The following COL11A2 variants were observed in gnomAD, a reference collection of about 807,000 sequenced individuals.
COL11A2 encodes collagen type XI alpha 2 chain, also known as collagen alpha-2(XI) chain.
Under a neutral mutation model 273.4 loss-of-function variants are expected in COL11A2, and 116 were observed. The observed-to-expected ratio is 0.42, with a 90% CI of 0.36 to 0.49. The LOEUF (loss-of-function observed/expected upper bound fraction) is 0.49. Ranked by LOEUF, COL11A2 falls within the 20% of genes least tolerant of loss-of-function variation. The pLI is 0.00. For missense variants in COL11A2, 1,866 were observed against 2,309.0 expected, an observed-to-expected ratio of 0.81 and a Z score of 3.93; for synonymous variants, 782 against 864.2, an observed-to-expected ratio of 0.90 and a Z score of 1.67.
chr6:33,170,737 TG>T lies in COL11A2; in HGVS notation c.3474+72del. Reference sequence around the variant, plus strand: ...CCTCCAGTCTGCATCGGCAGGCTGCTGGCAGAGTCTGGGGCAAAACATCACC... The same window carrying T: ...CCTCCAGTCTGCATCGGCAGGCTGCTGCAGAGTCTGGGGCAAAACATCACC... On this transcript the variant is annotated intron_variant, in intron 46 of 65. Transcript: ENST00000341947. The surrounding 1 kb of genome is among the most constrained non-coding windows in gnomAD (Gnocchi z 4.3). 1 of 1,588,670 alleles carries T rather than the reference TG, an allele frequency of 6.3e-7. No individual in the cohort carries two copies.
At position 33,170,693 on chromosome 6, in the gene COL11A2, C is replaced by T; in HGVS notation, c.3475-83G>A. ...AGGCAGATAGGCCCCACAGTCCCCTCCCCTCAGACTCCGCAGGCCCTCCAG... is the reference window on the plus strand; with the variant it reads ...AGGCAGATAGGCCCCACAGTCCCCTTCCCTCAGACTCCGCAGGCCCTCCAG... On this transcript the variant is annotated intron_variant, in intron 46 of 65. Transcript: ENST00000341947. The surrounding 1 kb of genome is among the most constrained non-coding windows in gnomAD (Gnocchi z 4.3). 6.7e-7 allele frequency: 1 copy of T among 1,499,040 alleles called. No individual in the cohort carries two copies. The highest frequency in any genetic ancestry group is 9.1e-7 in the Non-Finnish European group (1 of 1,095,482). The allele number at this position is 1,499,040 out of a possible 1,614,324, so 92.9% of individuals were successfully genotyped here.
In COL11A2 at chr6:33,189,612, C is replaced by T; in HGVS notation, c.83-143G>A. On this transcript the variant is annotated intron_variant, in intron 1 of 65. Transcript: ENST00000341947. This position sits in a 1 kb window ranked among gnomAD's most constrained non-coding sequence, Gnocchi z 5.6. ...CACCTCACCCTCACTTGCTTCTGAA[C>T]AGTACCTGAATGGATGGGAAATGCA... The T allele has an allele frequency of 9.0e-7, 1 of 1,111,254 alleles. No individual in the cohort carries two copies. The highest frequency in any genetic ancestry group is 2.6e-5 in the East Asian group (1 of 38,740). The allele number at this position is 1,111,254 out of a possible 1,614,324, so 68.8% of individuals were successfully genotyped here. A position where few individuals can be genotyped will look rare whatever the true frequency, so the allele number is the denominator to read the frequency against.
chr6:33,177,667 TC>T lies in COL11A2; in HGVS notation c.1911del (p.Ser638AlafsTer77). On this transcript the variant is annotated frameshift_variant, in exon 22 of 66. Transcript: ENST00000341947. LOFTEE classifies it high-confidence loss of function. This position sits in a 1 kb window ranked among gnomAD's most constrained non-coding sequence, Gnocchi z 5.9. ...RGMDGPQGPK[G>X]SLGPQGEPGP... The stretch of plus-strand genomic sequence containing the variant: ...ATCTCCTATCCATCACTCACCAAGC[TC>T]CCTTTGGGGCCCTGGGGACCATCCA... 1 of 1,612,748 alleles carries T rather than the reference TC, an allele frequency of 6.2e-7. No individual in the cohort carries two copies. Among genetic ancestry groups the T allele is most frequent in the Non-Finnish European group, 8.5e-7 (1 of 1,179,902 alleles).
rs959259513 is a variant in COL11A2, at chr6:33,169,438, G to A, written c.3743C>T (p.Pro1248Leu). ...EKGESGQPGE[P>L]GPPGPKGPTG... ...GGGGCCTTTAGGCCCTGGTGGCCCT[G>A]GCTCTCCTGGCTGCCCCGACTCTCC... is the stretch of plus-strand genomic sequence containing the variant. Residue 1248 changes from proline (P) to leucine (L), a missense_variant, in exon 51 of 66, where the codon CCA becomes CTA. Coordinates refer to ENST00000341947, the MANE Select transcript of COL11A2 (RefSeq NM_080680.3). This position sits in a 1 kb window ranked among gnomAD's most constrained non-coding sequence, Gnocchi z 5.5. 5.6e-6 allele frequency: 9 copies of A among 1,612,844 alleles called. No homozygotes were observed. In the African/African-American group the frequency reaches 8.0e-5, roughly 14 times the overall value.
chr6:33,179,095 G>A lies in COL11A2; in HGVS notation c.1589C>T (p.Pro530Leu). 1 of 1,613,880 alleles carries A rather than the reference G, an allele frequency of 6.2e-7. No individual in the cohort carries two copies. The highest frequency in any genetic ancestry group is 8.5e-7 in the Non-Finnish European group (1 of 1,179,826). Residue 530 changes from proline to leucine, a missense_variant, in exon 16 of 66, where the codon CCT (proline) becomes CTT (leucine). Physicochemically the swap from Pro to Leu is moderately conservative, Grantham distance 98. Coordinates refer to ENST00000341947, the MANE Select transcript of COL11A2 (RefSeq NM_080680.3). The surrounding 1 kb of genome is among the most constrained non-coding windows in gnomAD (Gnocchi z 6.4). Reference sequence around the variant, plus strand: ...CACCCTTCGCCCAGCCTTGCCAGGAGGGCCTGTGAGGCCCTGAGGTCCTCT... The same window carrying A: ...CACCCTTCGCCCAGCCTTGCCAGGAAGGCCTGTGAGGCCCTGAGGTCCTCT... Reference protein sequence around the residue: ...GPRGPQGLTGPPGKAGRRGRA... With the variant: ...GPRGPQGLTGLPGKAGRRGRA...
rs764960433 is a variant in COL11A2, at chr6:33,171,083, G to A, written c.3366+31C>T. On this transcript the variant is annotated intron_variant, in intron 45 of 65. Coordinates refer to ENST00000341947, the MANE Select transcript of COL11A2 (RefSeq NM_080680.3). ...GCTGAGGGAGGACCAGAGGCTGCTGGGCCTTCGGTGGGGGTGGAGGGGTCA... is the reference window on the plus strand; with the variant it reads ...GCTGAGGGAGGACCAGAGGCTGCTGAGCCTTCGGTGGGGGTGGAGGGGTCA... 11 of 1,572,722 alleles carry A rather than the reference G, an allele frequency of 7.0e-6. No individual in the cohort carries two copies. The East Asian group carries it at 2.4e-4, about 34-fold the overall frequency.
At chr6:33,171,903 G>C in intron 41 of COL11A2, 83 bp from the exon 42 acceptor site, 1 of 1,560,972 alleles carries the variant, frequency 6.4e-7, no homozygotes, top group Non-Finnish European at 8.8e-7. Flanking sequence ...ATTCCCAAAA[G>C]CTCCCAAAAT....
intron 29 of COL11A2, 116 bp from the exon 30 acceptor site, chr6:33,175,797 C>CAG: frequency 8.7e-7 from 1 of 1,143,946 alleles, no homozygotes; most frequent in Non-Finnish European, 1.3e-6. Context: ...GGAGCCACTG[C>CAG]AGGACAGGAA....
At chr6:33,172,156 G>C in intron 40 of COL11A2, 53 bp from the exon 41 acceptor site, 1 of 1,609,620 alleles carries the variant, frequency 6.2e-7, no homozygotes, top group Non-Finnish European at 8.5e-7. Context: ...AGAAGGGTGA[G>C]AGCTGGAGAG....
In COL11A2 at chr6:33,169,926, G is replaced by A. The variant is rs754213600; in HGVS notation, c.3637-42C>T. 1 of 1,613,762 alleles carries A rather than the reference G, an allele frequency of 6.2e-7. No individual in the cohort carries two copies. The highest frequency in any genetic ancestry group is 8.5e-7 in the Non-Finnish European group (1 of 1,179,724). On this transcript the variant is annotated intron_variant, in intron 49 of 65. Transcript: ENST00000341947. The surrounding 1 kb of genome is among the most constrained non-coding windows in gnomAD (Gnocchi z 5.5). ...GTCAAAAACCTCCTCTCCTTCCCCA[G>A]CCAAAAAATTCTGATATTCCCCACA...
chr6:33,165,580 G>T lies in COL11A2; in HGVS notation c.4719C>A (p.Asp1573Glu). The T allele has an allele frequency of 1.2e-6, 2 of 1,613,420 alleles. No homozygotes were observed. The highest frequency in any genetic ancestry group is 1.7e-6 in the Non-Finnish European group (2 of 1,180,004). The change falls in exon 63 of 66, where the codon GAC becomes GAA. Residue 1573 changes from aspartate to glutamate, a missense_variant. Coordinates refer to ENST00000341947, the MANE Select transcript of COL11A2 (RefSeq NM_080680.3). The surrounding 1 kb of genome is among the most constrained non-coding windows in gnomAD (Gnocchi z 7.7). ...TQDSPARTCQ[D>E]LKLCHPELPD... ...GAAGCTCTGGGTGGCACAGCTTCAG[G>T]TCCTGGCAGGTGCGAGCAGGGCTGT...
Position 33,164,206 on chromosome 6 carries a change from C to T in COL11A2, c.5070+61G>A. On this transcript the variant is annotated intron_variant, in intron 65 of 65. Transcript: ENST00000341947. The surrounding 1 kb of genome is among the most constrained non-coding windows in gnomAD (Gnocchi z 4.7). ...GGGTGCCCTGCCCAAGGGGTCTTCC[C>T]ACCTCCTTCCTCCAGCCTGAGTCTG... 6.3e-7 allele frequency: 1 copy of T among 1,589,908 alleles called. No individual in the cohort carries two copies. Among genetic ancestry groups the T allele is most frequent in the South Asian group, 1.1e-5 (1 of 87,728 alleles).
Position 33,167,105 on chromosome 6 carries a change from C to T in COL11A2, c.4195G>A (p.Gly1399Ser). The change falls in exon 58 of 66, where the codon GGT becomes AGT. Residue 1399 changes from glycine (G) to serine (S), a missense_variant. Physicochemically the swap from Gly to Ser is moderately conservative, Grantham distance 56. Coordinates refer to ENST00000341947, the MANE Select transcript of COL11A2 (RefSeq NM_080680.3). This position sits in a 1 kb window ranked among gnomAD's most constrained non-coding sequence, Gnocchi z 6.1. ...PGPVGPPGLP[G>S]LRGDAGAKGE... ...TTGGCTCCAGCATCGCCCCGGAGAC[C>T]AGGCAGCCCTGGGGGTCCCTGTGGA... 6.2e-7 allele frequency: 1 copy of T among 1,614,134 alleles called. No homozygotes were observed. The highest frequency in any genetic ancestry group is 8.5e-7 in the Non-Finnish European group (1 of 1,180,000).
chr6:33,172,461 A>C, intron 39 of COL11A2, 69 bp downstream of exon 39: 2 of 1,565,568 alleles, frequency 1.3e-6, no homozygotes, highest in Non-Finnish European at 1.8e-6. Context: ...CAAATCTCCA[A>C]CTACCTGTTC....
intron 12 of COL11A2, 129 bp downstream of exon 12, chr6:33,180,129 T>C (rs1771526647): frequency 2.9e-6 from 3 of 1,038,140 alleles, no homozygotes; most frequent in East Asian, 2.4e-5. Flanking sequence ...ACGAATCCCT[T>C]TGGAGTGATG....
chr6:33,175,526 G>A lies in COL11A2; in HGVS notation c.2376+48C>T, dbSNP rs768481959. The stretch of plus-strand genomic sequence containing the variant: ...GGCACCCATGCCCATCCTGACCCCA[G>A]TGCCCACACCCCCAGAGGACCCAGG... On this transcript the variant is annotated intron_variant, in intron 30 of 65. Transcript: ENST00000341947. 28 of 1,552,334 alleles carry A rather than the reference G, an allele frequency of 1.8e-5. No individual in the cohort carries two copies. The South Asian group carries it at 3.0e-4, about 17-fold the overall frequency.
At position 33,177,803 on chromosome 6, in the gene COL11A2, C is replaced by T; in HGVS notation, c.1873-97G>A. The T allele has an allele frequency of 7.3e-7, 1 of 1,363,992 alleles. No individual in the cohort carries two copies. The highest frequency in any genetic ancestry group is 1.0e-6 in the Non-Finnish European group (1 of 964,924). The allele number at this position is 1,363,992 out of a possible 1,614,324, so 84.5% of individuals were successfully genotyped here. ...ATTCCCGAGGGTGTGACGGTCAGAC[C>T]TCCAATCCATCCCAAACCCAAGCAA... On this transcript the variant is annotated intron_variant, in intron 21 of 65. Coordinates refer to ENST00000341947, the MANE Select transcript of COL11A2 (RefSeq NM_080680.3). The surrounding 1 kb of genome is among the most constrained non-coding windows in gnomAD (Gnocchi z 5.9).
rs1772840485 is a variant in COL11A2, at chr6:33,189,435, C to G, written c.117G>C (p.Arg39Ser). The G allele has an allele frequency of 3.1e-6, 5 of 1,612,962 alleles. No individual in the cohort carries two copies. The highest frequency in any genetic ancestry group is 1.3e-5 in the African/African-American group (1 of 74,930). Residue 39 changes from arginine to serine, a missense_variant, in exon 2 of 66, where the codon AGG becomes AGC. Transcript: ENST00000341947. The surrounding 1 kb of genome is among the most constrained non-coding windows in gnomAD (Gnocchi z 5.6). Reference protein sequence around the residue: ...APPVDVLRALRFPSLPDGVRR... With the variant: ...APPVDVLRALSFPSLPDGVRR... The stretch of plus-strand genomic sequence containing the variant: ...GGACACCATCAGGGAGGGAGGGGAA[C>G]CTCAGGGCCCGGAGCACATCCACAG...
At position 33,166,132 on chromosome 6, in the gene COL11A2, G is replaced by A. The variant is rs761509774; in HGVS notation, c.4428+39C>T. ...TGGAGAGACATCATCAAGTCCAGAG[G>A]GGGTGGAGCAAAGGTCAGAGCTGAA... On this transcript the variant is annotated intron_variant, in intron 61 of 65. Transcript: ENST00000341947. The surrounding 1 kb of genome is among the most constrained non-coding windows in gnomAD (Gnocchi z 4.8). The A allele has an allele frequency of 2.7e-5, 43 of 1,607,914 alleles. No homozygotes were observed. The highest frequency in any genetic ancestry group is 3.6e-5 in the Non-Finnish European group (42 of 1,177,500).
Sources: allele counts gnomAD v4.1 joint callset, GRCh38; gene constraint gnomAD v4.1.1; non-coding constraint Gnocchi (gnomAD v3.1); transcripts MANE v1.5; gene names NCBI Gene and HGNC (gene_info 2026-07-23, HGNC 2026-07-21).